The following FAM53A variants were observed in gnomAD, a reference collection of about 807,000 sequenced individuals.
FAM53A encodes family with sequence similarity 53 member A.
A neutral mutation model predicts 26.6 loss-of-function variants in FAM53A; 28 were observed. That is an observed-to-expected ratio of 1.05 (90% CI 0.78 to 1.45). FAM53A has a LOEUF of 1.45. FAM53A is among the 40% of genes most tolerant of loss of function. FAM53A has a pLI of 0.00. For synonymous variants in FAM53A, 290 were observed against 253.1 expected, an observed-to-expected ratio of 1.15 and a Z score of -1.38; for missense variants, 650 against 575.8, an observed-to-expected ratio of 1.13 and a Z score of -1.32.
rs763682588 is a variant in FAM53A, at chr4:1,641,543, G to A, written c.947C>T (p.Pro316Leu). 6.2e-7 allele frequency: 1 copy of A among 1,614,084 alleles called. No homozygotes were observed. Among genetic ancestry groups the A allele is most frequent in the East Asian group, 2.2e-5 (1 of 44,898 alleles). Residue 316 changes from proline (P) to leucine (L), a missense_variant, in exon 5 of 5, where the codon CCA (proline) becomes CTA (leucine). Pro to Leu is a moderately conservative substitution (Grantham distance 98, BLOSUM62 -3). Transcript: ENST00000308132. ...TGGGGAGGACAGAACCGTCTTCACTGGGGTGTCATCCTCATCGTCATCTTC... is the reference window on the plus strand; with the variant it reads ...TGGGGAGGACAGAACCGTCTTCACTAGGGTGTCATCCTCATCGTCATCTTC... ...NYEDDDEDDT[P>L]VKTVLSSPCD...
At chr4:1,681,057 A>T (rs1437026435) in intron 1 of FAM53A, among the ~76,000 whole-genome samples, 4 of 152,072 alleles carry the variant, frequency 2.6e-5, no homozygotes, top group Admixed American at 2.6e-4. Flanking sequence ...GTCATACAGG[A>T]GGTCCTGCAT....
At chr4:1,643,194 T>C (rs754474220) in intron 4 of FAM53A, among the ~76,000 whole-genome samples, 42 of 152,228 alleles carry the variant, frequency 2.8e-4, no homozygotes, top group Admixed American at 4.6e-4. Flanking sequence ...ACGCCAGGCA[T>C]GGTGGCTCAC....
At chr4:1,654,650 C>CG (rs928411973) in intron 4 of FAM53A, among the ~76,000 whole-genome samples, 2 of 152,316 alleles carry the variant, frequency 1.3e-5, no homozygotes, top group African/African-American at 4.8e-5. Flanking sequence ...GCAGCTGAGG[C>CG]GGGGGGCGGC....
chr4:1,576,501 A>G, the FAM53A span, among the ~76,000 whole-genome samples: 12 of 152,236 alleles, frequency 7.9e-5, no homozygotes, highest in African/African-American at 2.9e-4. Flanking sequence ...CTCCGCGCGC[A>G]CACTGTCTAA....
chr4:1,577,388 G>A, the FAM53A span, among the ~76,000 whole-genome samples: 305 of 152,292 alleles, frequency 2.0e-3, 13 homozygotes, highest in East Asian at 0.056. Flanking sequence ...GCCAGCAGAC[G>A]GAGCCTGGAC....
chr4:1,614,493 A>ATG (rs1714739169), downstream of FAM53A, among the ~76,000 whole-genome samples: 1 of 135,616 alleles, frequency 7.4e-6, no homozygotes, highest in African/African-American at 2.8e-5. Context: ...CGTGAGGGGG[A>ATG]CGCAGAGACG....
intron 4 of FAM53A, among the ~76,000 whole-genome samples, chr4:1,642,948 G>A (rs1405576394): frequency 3.3e-5 from 5 of 152,180 alleles, no homozygotes; most frequent in Non-Finnish European, 7.4e-5. Context: ...AGGCCACACT[G>A]ACACAGCACC....
intron 1 of FAM53A, among the ~76,000 whole-genome samples, chr4:1,632,779 T>C (rs11942233): frequency 0.092 from 14,018 of 152,178 alleles, 1,921 homozygotes; most frequent in African/African-American, 0.29. Context: ...GTGTGCATAT[T>C]ATACAGTTGT....
chr4:1,592,342 C>G, the FAM53A span, among the ~76,000 whole-genome samples: 2 of 152,222 alleles, frequency 1.3e-5, no homozygotes, highest in Non-Finnish European at 2.9e-5. Flanking sequence ...GCGAGGGCTC[C>G]GGGAGGCAGC....
chr4:1,676,352 G>C (rs751319898), intron 1 of FAM53A, among the ~76,000 whole-genome samples: 11 of 152,112 alleles, frequency 7.2e-5, no homozygotes, highest in Non-Finnish European at 2.9e-5. Context: ...AGTCATTTTG[G>C]GGCAGGACCC....
chr4:1,609,158 C>G, the FAM53A span, among the ~76,000 whole-genome samples: 1 of 152,184 alleles, frequency 6.6e-6, no homozygotes, highest in African/African-American at 2.4e-5. Flanking sequence ...TCTCAGGGAT[C>G]CCCTCCCCTC....
intron 1 of FAM53A, among the ~76,000 whole-genome samples, chr4:1,671,727 G>C (rs1464648085): frequency 2.6e-5 from 4 of 152,262 alleles, no homozygotes; most frequent in Non-Finnish European, 5.9e-5. Context: ...GCAAGGTGAG[G>C]GGCCAGCTCC....
chr4:1,655,922 T>C (rs1392472661), intron 3 of FAM53A, among the ~76,000 whole-genome samples, 199 bp from the exon 4 acceptor site: 1 of 152,118 alleles, frequency 6.6e-6, no homozygotes, highest in Non-Finnish European at 1.5e-5. Context: ...GCTGCGGGGC[T>C]CGGCTCACTT....
the FAM53A span, among the ~76,000 whole-genome samples, chr4:1,577,068 G>A: frequency 5.2e-5 from 7 of 135,768 alleles, no homozygotes; most frequent in Non-Finnish European, 1.0e-4. Context: ...GCAACTGAGC[G>A]GGTACGGTGG....
At position 1,655,683 on chromosome 4, in the gene FAM53A, G is replaced by T; in HGVS notation, c.177C>A (p.Val59=). 1.9e-6 allele frequency: 3 copies of T among 1,593,812 alleles called. No homozygotes were observed. Among genetic ancestry groups the T allele is most frequent in the Non-Finnish European group, 2.6e-6 (3 of 1,174,048 alleles). Residue 59 remains valine (V), a synonymous_variant, in exon 4 of 5, where the codon GTC becomes GTA. Transcript: ENST00000308132. ...CAGGGCCCGTGGCTGCCTGGCTTCT[G>T]ACGGGCGGTCCTCCACTGAAGACCT... ...PWKVFSGGPP[V]RSQAATGPDF... is the part of the protein sequence containing the mutation.
chr4:1,639,861 A>C (rs1315562663), downstream of FAM53A: 1 of 152,262 alleles, frequency 6.6e-6, no homozygotes, highest in Non-Finnish European at 1.5e-5. Context: ...AGAAAAAAAC[A>C]AGAAAATTTC....
chr4:1,665,382 G>A (rs1483340264), intron 2 of FAM53A, among the ~76,000 whole-genome samples: 4 of 151,832 alleles, frequency 2.6e-5, no homozygotes, highest in African/African-American at 4.8e-5. Context: ...CCAGCTACTC[G>A]GGAGGCTGAG....
At chr4:1,606,112 TA>T in the FAM53A span, among the ~76,000 whole-genome samples, 1 of 151,436 alleles carries the variant, frequency 6.6e-6, no homozygotes, top group African/African-American at 2.4e-5. Flanking sequence ...GATCTCAACT[TA>T]CTGCAAGCTC....
At chr4:1,636,884 T>TGC (rs1715866192), downstream of FAM53A, among the ~76,000 whole-genome samples, 1 of 150,726 alleles carries the variant, frequency 6.6e-6, no homozygotes, top group Non-Finnish European at 1.5e-5. Flanking sequence ...CTGCTCTTGC[T>TGC]GGGGGGGGGT....
Sources: gnomAD v4.1 joint callset for allele counts (sites outside exome capture counted in the v4.1 genomes callset) on GRCh38, gnomAD v4.1.1 for gene constraint, MANE v1.5 for transcripts, NCBI Gene and HGNC (gene_info 2026-07-23, HGNC 2026-07-21) for gene names.